NDUFA10: variants seen among roughly 807,000 people sequenced by gnomAD.
NDUFA10 encodes the protein NADH:ubiquinone oxidoreductase subunit A10.
In NDUFA10, 40 loss-of-function variants were observed where a neutral mutation model predicts 47.8. That is an observed-to-expected ratio of 0.84 (90% CI 0.65 to 1.09). NDUFA10 has a LOEUF of 1.09. Among genes scored for constraint, NDUFA10 ranks in the 50% least tolerant of loss-of-function variants. The pLI, the probability that NDUFA10 is intolerant of heterozygous loss-of-function variation, is 0.00. For synonymous variants in NDUFA10, 183 were observed against 172.2 expected, an observed-to-expected ratio of 1.06 and a Z score of -0.49; for missense variants, 413 against 451.1, an observed-to-expected ratio of 0.92 and a Z score of 0.76.
chr2:239,901,286 A>T (rs920730904), intron 4 of NDUFA10, among the ~76,000 whole-genome samples: 1 of 152,130 alleles, frequency 6.6e-6, no homozygotes, highest in African/African-American at 2.4e-5. Flanking sequence ...AGGATCGCTT[A>T]AGCCCAGGAG....
At chr2:240,018,950 C>G (rs1046895799) in intron 3 of NDUFA10, among the ~76,000 whole-genome samples, 2 of 152,066 alleles carry the variant, frequency 1.3e-5, no homozygotes, top group African/African-American at 4.8e-5. Flanking sequence ...CCATCCTGCT[C>G]CTGCCCCCAC....
intron 4 of NDUFA10, among the ~76,000 whole-genome samples, chr2:239,936,662 T>C (rs1428771682): frequency 3.9e-5 from 6 of 152,156 alleles, no homozygotes; most frequent in Admixed American, 6.5e-5. Flanking sequence ...TTTAAAAAAG[T>C]AAGTCTTGGC....
At chr2:239,936,893 GA>G (rs751945545) in intron 4 of NDUFA10, among the ~76,000 whole-genome samples, 5 of 152,232 alleles carry the variant, frequency 3.3e-5, no homozygotes, top group African/African-American at 4.8e-5. Flanking sequence ...CTGAGAGGCG[GA>G]GGTTGCAGTG....
chr2:239,998,713 G>A (rs1051459501), intron 8 of NDUFA10, among the ~76,000 whole-genome samples: 9 of 152,158 alleles, frequency 5.9e-5, no homozygotes, highest in Non-Finnish European at 1.5e-5. Flanking sequence ...AAAAATTACG[G>A]GCAGTGAGTG....
At position 239,969,469 on chromosome 2, in the gene NDUFA10, C is replaced by T. The variant is rs142887231; in HGVS notation, c.1000-8283G>A. ...CAGGATCTGCTGCCTGTTCATGCCA[C>T]GGCCACGCACGTTACAGAATGTGCC... On this transcript the variant is annotated intron_variant, in intron 9 of 9. Coordinates refer to ENST00000252711, the MANE Select transcript of NDUFA10 (RefSeq NM_004544.4). 1,616 of 316,634 alleles carry T rather than the reference C, an allele frequency of 5.1e-3. 16 individuals carry two copies. Among genetic ancestry groups the T allele is most frequent in the South Asian group, 0.016 (680 of 41,532 alleles). The allele number at this position is 316,634 out of a possible 1,614,324, so 19.6% of individuals were successfully genotyped here.
rs1695889867 is a variant in NDUFA10 at position 239,983,784 on chromosome 2, T to C, written c.999+6290A>G. 5 of 1,517,802 alleles carry C rather than the reference T, an allele frequency of 3.3e-6. No individual in the cohort carries two copies. In the South Asian group the frequency reaches 3.7e-5, roughly 11 times the overall value. The allele number at this position is 1,517,802 out of a possible 1,614,324, so 94.0% of individuals were successfully genotyped here. A position where few individuals can be genotyped will look rare whatever the true frequency, so the allele number is the denominator to read the frequency against. ...CAAAATACCTCACCAGCACTCCTTA[T>C]TAAAAACAAAGTCTGAGAAAATGTT... On this transcript the variant is annotated intron_variant, in intron 9 of 9. Coordinates refer to ENST00000252711, the MANE Select transcript of NDUFA10 (RefSeq NM_004544.4).
rs965672666 is a variant in NDUFA10 at position 239,928,527 on chromosome 2, T to G, written c.295-33213A>C. Among the ~76,000 whole-genome samples the G allele has an allele frequency of 6.6e-6, 1 of 152,160 alleles. No homozygotes were observed. The highest frequency in any genetic ancestry group is 1.5e-5 in the Non-Finnish European group (1 of 68,040). On this transcript the variant is annotated intron_variant, in intron 4 of 5. Transcript: ENST00000419408. This position sits in a 1 kb window ranked among gnomAD's most constrained non-coding sequence, Gnocchi z 4.3. ...TCGGCCCTGGCCCACCGCGAGCCGC[T>G]GCTGGGTTTAATGCAGTTCCTGTCT...
downstream of NDUFA10, among the ~76,000 whole-genome samples, chr2:239,953,901 G>A (rs543425930): frequency 1.3e-5 from 2 of 152,244 alleles, no homozygotes. Context: ...GGACGCCCCC[G>A]CCGCCTCAGG....
chr2:239,933,033 T>C (rs1694204760), intron 4 of NDUFA10, among the ~76,000 whole-genome samples: 2 of 152,048 alleles, frequency 1.3e-5, no homozygotes, highest in Non-Finnish European at 2.9e-5. Context: ...CCGTGTAGGT[T>C]GTGGTCTGTC....
At chr2:239,978,877 G>A (rs940360151) in intron 9 of NDUFA10, among the ~76,000 whole-genome samples, 36 of 152,278 alleles carry the variant, frequency 2.4e-4, no homozygotes, top group African/African-American at 8.2e-4. Context: ...CCCACCGTTT[G>A]TATGCTTTTT....
rs1694829749 is a variant in NDUFA10, at chr2:239,960,960, C to T, written c.*158G>A. ...GCTTCCCCCAACTCCATTACCTATA[C>T]TACAGGATGGATTGCTTTTTGTGAG... On this transcript the variant is annotated 3_prime_UTR_variant, in exon 10 of 10. Coordinates refer to ENST00000252711, the MANE Select transcript of NDUFA10 (RefSeq NM_004544.4). 4 of 1,532,004 alleles carry T rather than the reference C, an allele frequency of 2.6e-6. No individual in the cohort carries two copies. Among genetic ancestry groups the T allele is most frequent in the Middle Eastern group, 2.3e-4 (1 of 4,332 alleles). The allele number at this position is 1,532,004 out of a possible 1,614,324, so 94.9% of individuals were successfully genotyped here.
Position 239,945,512 on chromosome 2 carries a change from C to T in NDUFA10, c.294+44562G>A, listed in dbSNP as rs1694435843. ...GCTGCACCGCGAGGCTCCCTGCGCCCCACCGAGCCGGTCAGGGCTGCAGTC... is the reference window on the plus strand; with the variant it reads ...GCTGCACCGCGAGGCTCCCTGCGCCTCACCGAGCCGGTCAGGGCTGCAGTC... On this transcript the variant is annotated intron_variant, in intron 4 of 5. Coordinates refer to the NDUFA10 transcript ENST00000419408. This position sits in a 1 kb window ranked among gnomAD's most constrained non-coding sequence, Gnocchi z 4.6. 6.6e-6 allele frequency among the ~76,000 whole-genome samples: 1 copy of T among 151,942 alleles called. No homozygotes were observed.
chr2:239,995,300 T>C (rs1449843863), intron 8 of NDUFA10, among the ~76,000 whole-genome samples: 1 of 150,960 alleles, frequency 6.6e-6, no homozygotes, highest in Middle Eastern at 3.2e-3. Context: ...GTGGAAGGAA[T>C]GGCAGCCATG....
At chr2:239,932,382 C>A (rs1273661565) in intron 4 of NDUFA10, among the ~76,000 whole-genome samples, 1 of 152,232 alleles carries the variant, frequency 6.6e-6, no homozygotes, top group Non-Finnish European at 1.5e-5. Context: ...TTTCCAAGCA[C>A]CTGCAAAGCC....
At position 239,996,858 on chromosome 2, in the gene NDUFA10, G is replaced by A. The variant is rs117754162; in HGVS notation, c.891-6676C>T. Among the ~76,000 whole-genome samples, 5 of 150,830 alleles carry A rather than the reference G, an allele frequency of 3.3e-5. No homozygotes were observed. The East Asian group carries it at 9.7e-4, about 29-fold the overall frequency. On this transcript the variant is annotated intron_variant, in intron 8 of 9. Coordinates refer to ENST00000252711, the MANE Select transcript of NDUFA10 (RefSeq NM_004544.4). ...CTATCGTCAGTGTTATTTTATGTGTGGTCCAAGACAATTCTTCTTCTTCCA... is the reference window on the plus strand; with the variant it reads ...CTATCGTCAGTGTTATTTTATGTGTAGTCCAAGACAATTCTTCTTCTTCCA...
Position 239,972,905 on chromosome 2 carries a change from G to C in NDUFA10, c.1000-11719C>G, listed in dbSNP as rs539159529. Among the ~76,000 whole-genome samples the C allele has an allele frequency of 4.7e-4, 72 of 152,294 alleles. 1 individual carries two copies. The South Asian group carries it at 7.0e-3, about 15-fold the overall frequency. ...ACAATCATATGTAACACACTGTAAAGTCAGGGCACTTGATTTTCCAGATTG... is the reference window on the plus strand; with the variant it reads ...ACAATCATATGTAACACACTGTAAACTCAGGGCACTTGATTTTCCAGATTG... On this transcript the variant is annotated intron_variant, in intron 9 of 9. Transcript: ENST00000252711.
downstream of NDUFA10, among the ~76,000 whole-genome samples, chr2:239,955,133 A>C (rs150327567): frequency 2.4e-4 from 36 of 152,274 alleles, no homozygotes; most frequent in East Asian, 6.7e-3. Flanking sequence ...ATATTTATCC[A>C]CTAATAAGTC....
rs1280655924 is a variant in NDUFA10 at position 239,958,754 on chromosome 2, G to GA, written c.*2363dup. ...GTTGATGGAACAGAAAGATACGTTAGAAAAAAACAAGGACTTTCTTTTCAA... is the reference window on the plus strand; with the variant it reads ...GTTGATGGAACAGAAAGATACGTTAGAAAAAAAACAAGGACTTTCTTTTCAA... On this transcript the variant is annotated 3_prime_UTR_variant, in exon 10 of 10. Transcript: ENST00000252711. 3.6e-5 allele frequency: 8 copies of GA among 219,328 alleles called. No individual in the cohort carries two copies. In the East Asian group the frequency reaches 1.5e-3, roughly 40 times the overall value. 13.6% of individuals were successfully genotyped at this position (219,328 alleles called of 1,614,324 possible). A position where few individuals can be genotyped will look rare whatever the true frequency, so the allele number is the denominator to read the frequency against.
intron 9 of NDUFA10, among the ~76,000 whole-genome samples, chr2:239,980,355 A>ACTC (rs2106426661): frequency 6.6e-6 from 1 of 152,190 alleles, no homozygotes; most frequent in Non-Finnish European, 1.5e-5. Flanking sequence ...CTACCTTAGC[A>ACTC]CTCCCAAGAT....
Sources: gnomAD v4.1 joint callset for allele counts (sites outside exome capture counted in the v4.1 genomes callset) on GRCh38, gnomAD v4.1.1 for gene constraint, Gnocchi (gnomAD v3.1) non-coding constraint, MANE v1.5 for transcripts, NCBI Gene and HGNC (gene_info 2026-07-23, HGNC 2026-07-21) for gene names.